SLC2A10: variants seen among roughly 807,000 people sequenced by gnomAD.
The protein encoded by SLC2A10 is solute carrier family 2 member 10.
In SLC2A10, 25 loss-of-function variants were observed where a neutral mutation model predicts 32.1. That is an observed-to-expected ratio of 0.78 (90% confidence interval 0.57 to 1.09). The LOEUF (loss-of-function observed/expected upper bound fraction) is 1.09. SLC2A10 is among the 50% of genes least tolerant of loss of function. SLC2A10 has a pLI of 0.00. For synonymous variants in SLC2A10, 332 were observed against 309.6 expected (o/e 1.07, Z -0.76); for missense variants, 673 against 686.5 (o/e 0.98, Z 0.22).
intron 1 of SLC2A10, chr20:46,710,294 G>A: frequency 2.7e-6 from 1 of 372,292 alleles, no homozygotes; most frequent in Non-Finnish European, 4.8e-6. Context: ...CTCGGGACTA[G>A]GGCTCTATTT....
At chr20:46,712,766 A>G (rs1600655494) in intron 1 of SLC2A10, among the ~76,000 whole-genome samples, 1 of 133,644 alleles carries the variant, frequency 7.5e-6, no homozygotes, top group Middle Eastern at 5.3e-3. Context: ...CCATCCTCCC[A>G]CCTCAGCCTC....
intron 3 of SLC2A10, 83 bp from the exon 4 acceptor site, chr20:46,729,270 T>C (rs1980142938): frequency 2.9e-5 from 46 of 1,579,678 alleles, no homozygotes; most frequent in Non-Finnish European, 4.0e-5. Flanking sequence ...TTTCCATGCC[T>C]GACCTAGAAC....
intron 1 of SLC2A10, among the ~76,000 whole-genome samples, chr20:46,719,965 C>T (rs1255488971): frequency 3.3e-5 from 5 of 152,212 alleles, no homozygotes; most frequent in African/African-American, 1.2e-4. Context: ...GACTGGTACT[C>T]AGGCCTTTTC....
In SLC2A10 at chr20:46,734,190, G is replaced by C. The variant is rs1980453696; in HGVS notation, c.*356G>C. ...CCAATCCTGGCAGGAAGTCTCTCCC[G>C]ATATCACCCCTAAATCCAAATGAGG... On this transcript the variant is annotated 3_prime_UTR_variant, in exon 5 of 5. Coordinates refer to ENST00000359271, the MANE Select transcript of SLC2A10 (RefSeq NM_030777.4). 1 of 359,560 alleles carries C rather than the reference G, an allele frequency of 2.8e-6. No individual in the cohort carries two copies. Among genetic ancestry groups the C allele is most frequent in the African/African-American group, 2.1e-5 (1 of 47,856 alleles). 22.3% of individuals were successfully genotyped at this position (359,560 alleles called of 1,614,324 possible).
chr20:46,726,899 G>A lies in SLC2A10; in HGVS notation c.1324G>A (p.Glu442Lys). The change falls in exon 3 of 5, where the codon GAG becomes AAG. Residue 442 changes from glutamate (E) to lysine (K), a missense_variant. Physicochemically the swap from Glu to Lys is moderately conservative, Grantham distance 56. Transcript: ENST00000359271. ...WLVLSEIYPV[E>K]IRGRAFAFCN... is the part of the protein sequence containing the mutation. Reference sequence around the variant, plus strand: ...TGTCCTCAGCGAGATCTACCCTGTGGAGATACGAGGAAGAGCCTTCGCCTT... The same window carrying A: ...TGTCCTCAGCGAGATCTACCCTGTGAAGATACGAGGAAGAGCCTTCGCCTT... The A allele has an allele frequency of 1.9e-6, 3 of 1,614,112 alleles. No individual in the cohort carries two copies. Among genetic ancestry groups the A allele is most frequent in the Non-Finnish European group, 2.5e-6 (3 of 1,180,024 alleles).
intron 1 of SLC2A10, 128 bp from the exon 2 acceptor site, chr20:46,724,913 G>A (rs1430326869): frequency 2.4e-6 from 3 of 1,232,124 alleles, no homozygotes; most frequent in Non-Finnish European, 3.5e-6. Context: ...TGGTTTGAAT[G>A]GATGGTTGAA....
chr20:46,713,929 A>T (rs1979075466), intron 1 of SLC2A10, among the ~76,000 whole-genome samples: 1 of 152,156 alleles, frequency 6.6e-6, no homozygotes. Flanking sequence ...TACAGTGGAG[A>T]GTTGAGGAAG....
chr20:46,733,000 T>G (rs1980375679), intron 4 of SLC2A10, among the ~76,000 whole-genome samples: 1 of 151,950 alleles, frequency 6.6e-6, no homozygotes, highest in South Asian at 2.1e-4. Context: ...CTGGAGGGGT[T>G]GGTGTGGGGG....
rs777778418 is a variant in SLC2A10, at chr20:46,729,456, G to C, written c.1515G>C (p.Leu505Phe). The C allele has an allele frequency of 6.2e-7, 1 of 1,614,016 alleles. No homozygotes were observed. Among genetic ancestry groups the C allele is most frequent in the South Asian group, 1.1e-5 (1 of 91,060 alleles). Reference sequence around the variant, plus strand: ...TTCCTGAAACAAAAGGCCAGTCGTTGGCAGAGATAGACCAGCAGTTCCAGA... The same window carrying C: ...TTCCTGAAACAAAAGGCCAGTCGTTCGCAGAGATAGACCAGCAGTTCCAGA... ...LFVPETKGQS[L>F]AEIDQQFQKR... Residue 505 changes from leucine (L) to phenylalanine (F), a missense_variant, in exon 4 of 5, where the codon TTG (leucine) becomes TTC (phenylalanine). Transcript: ENST00000359271.
Position 46,733,975 on chromosome 20 carries a change from G to C in SLC2A10, c.*141G>C. On this transcript the variant is annotated 3_prime_UTR_variant, in exon 5 of 5. Coordinates refer to ENST00000359271, the MANE Select transcript of SLC2A10 (RefSeq NM_030777.4). The stretch of plus-strand genomic sequence containing the variant: ...CCCCAAAGGTGGTCTGCTTTTGCTG[G>C]GGTAAAAAGGATGAAAGTCTGAGAA... 1.3e-6 allele frequency: 1 copy of C among 770,384 alleles called. No homozygotes were observed. The highest frequency in any genetic ancestry group is 2.2e-6 in the Non-Finnish European group (1 of 446,572). The allele number at this position is 770,384 out of a possible 1,614,324, so 47.7% of individuals were successfully genotyped here. A position where few individuals can be genotyped will look rare whatever the true frequency, so the allele number is the denominator to read the frequency against.
At chr20:46,719,914 G>A (rs1353243731) in intron 1 of SLC2A10, among the ~76,000 whole-genome samples, 1 of 152,202 alleles carries the variant, frequency 6.6e-6, no homozygotes, top group South Asian at 2.1e-4. Context: ...AAGAGAAGAA[G>A]CAGCTTGCCC....
At chr20:46,720,927 T>C (rs1376176631) in intron 1 of SLC2A10, among the ~76,000 whole-genome samples, 2 of 152,192 alleles carry the variant, frequency 1.3e-5, no homozygotes, top group African/African-American at 4.8e-5. Flanking sequence ...ATAATCATCT[T>C]ATATCTACTA....
At position 46,725,570 on chromosome 20, in the gene SLC2A10, A is replaced by T; in HGVS notation, c.534A>T (p.Gln178His). The T allele has an allele frequency of 6.2e-7, 1 of 1,614,124 alleles. No homozygotes were observed. The highest frequency in any genetic ancestry group is 8.5e-7 in the Non-Finnish European group (1 of 1,180,010). ...GGGCCACTGCACCTGCTGTCCTGCA[A>T]TCCCTCAGCCTCCTCTTCCTCCCTG... The part of the protein sequence containing the change: ...FGWATAPAVL[Q>H]SLSLLFLPAG... The change falls in exon 2 of 5, where the codon CAA becomes CAT. Residue 178 changes from glutamine to histidine, a missense_variant. Coordinates refer to ENST00000359271, the MANE Select transcript of SLC2A10 (RefSeq NM_030777.4).
intron 1 of SLC2A10, among the ~76,000 whole-genome samples, chr20:46,715,929 T>TCA (rs1207954359): frequency 6.6e-6 from 1 of 152,048 alleles, no homozygotes; most frequent in African/African-American, 2.4e-5. Flanking sequence ...ACTCCTGGGC[T>TCA]CAAGCGATCC....
At position 46,725,267 on chromosome 20, in the gene SLC2A10, C is replaced by T; in HGVS notation, c.231C>T (p.Ala77=). 1 of 1,614,192 alleles carries T rather than the reference C, an allele frequency of 6.2e-7. No homozygotes were observed. The highest frequency in any genetic ancestry group is 8.5e-7 in the Non-Finnish European group (1 of 1,180,040). Reference sequence around the variant, plus strand: ...TTGACTGCTATGGCAGGAAGCAAGCCATCCTCGGGAGCAACTTGGTGCTGC... The same window carrying T: ...TTGACTGCTATGGCAGGAAGCAAGCTATCCTCGGGAGCAACTTGGTGCTGC... ...FLIDCYGRKQ[A]ILGSNLVLLA... The change falls in exon 2 of 5, where the codon GCC becomes GCT. Residue 77 remains alanine (A), a synonymous_variant. Transcript: ENST00000359271.
In SLC2A10 at chr20:46,710,216, G is replaced by A. The variant is rs141242096; in HGVS notation, c.4+476G>A. The A allele has an allele frequency of 2.9e-3, 1,201 of 410,586 alleles. 9 individuals are homozygous for A. The highest frequency in any genetic ancestry group is 0.023 in the African/African-American group (1,130 of 48,746). The allele number at this position is 410,586 out of a possible 1,614,324, so 25.4% of individuals were successfully genotyped here. Reference sequence around the variant, plus strand: ...CCTCCTCTGGACGTGATTCTGCAGAGAGGGGACAGAGAAGGAGATTCTAAC... The same window carrying A: ...CCTCCTCTGGACGTGATTCTGCAGAAAGGGGACAGAGAAGGAGATTCTAAC... On this transcript the variant is annotated intron_variant, in intron 1 of 4. Transcript: ENST00000359271.
chr20:46,719,914 G>C (rs1353243731), intron 1 of SLC2A10, among the ~76,000 whole-genome samples: 2 of 152,202 alleles, frequency 1.3e-5, no homozygotes, highest in African/African-American at 4.8e-5. Context: ...AAGAGAAGAA[G>C]CAGCTTGCCC....
intron 3 of SLC2A10, among the ~76,000 whole-genome samples, chr20:46,727,966 A>G (rs1980067449): frequency 6.6e-6 from 1 of 151,920 alleles, no homozygotes; most frequent in South Asian, 2.1e-4. Context: ...CCCCCCTATC[A>G]TGGCTGTCTT....
intron 1 of SLC2A10, among the ~76,000 whole-genome samples, chr20:46,714,927 C>T (rs1979144235): frequency 2.0e-5 from 3 of 152,232 alleles, no homozygotes; most frequent in Admixed American, 2.0e-4. Flanking sequence ...CCACCTCTGC[C>T]TCCTGCACCC....
Sources: allele counts gnomAD v4.1 joint callset (sites outside exome capture counted in the v4.1 genomes callset), GRCh38; gene constraint gnomAD v4.1.1; transcripts MANE v1.5; gene names NCBI Gene and HGNC (gene_info 2026-07-23, HGNC 2026-07-21).